Variants in IL1RL1 observed in about 807,000 individuals in gnomAD.
The protein encoded by IL1RL1 is interleukin 1 receptor like 1, also known as interleukin-1 receptor-like 1.
A neutral mutation model predicts 50.9 loss-of-function variants in IL1RL1; 32 were observed. That is an observed-to-expected ratio of 0.63 (90% confidence interval 0.47 to 0.84). The LOEUF (loss-of-function observed/expected upper bound fraction) is 0.84. Among genes scored for constraint, IL1RL1 ranks in the 40% least tolerant of loss-of-function variants. IL1RL1 has a pLI of 0.00. For synonymous variants in IL1RL1, 275 were observed against 236.0 expected, an observed-to-expected ratio of 1.17 and a Z score of -1.51; for missense variants, 773 against 662.9, an observed-to-expected ratio of 1.17 and a Z score of -1.82.
At chr2:102,326,115 A>G (rs1573136577) in intron 1 of IL1RL1, among the ~76,000 whole-genome samples, 2 of 152,244 alleles carry the variant, frequency 1.3e-5, no homozygotes, top group South Asian at 2.1e-4. Context: ...AGGTCGGGTT[A>G]CCCACAAGGG....
chr2:102,344,995 A>C (rs1677727549), intron 8 of IL1RL1: 1 of 953,360 alleles, frequency 1.0e-6, no homozygotes, highest in Non-Finnish European at 1.2e-6. Flanking sequence ...TAATCTTTTA[A>C]AAATGTAACA....
At position 102,338,736 on chromosome 2, in the gene IL1RL1, C is replaced by T. The variant is rs1431520503; in HGVS notation, c.62-101C>T. 29 of 853,996 alleles carry T rather than the reference C, an allele frequency of 3.4e-5. No homozygotes were observed. The East Asian group carries it at 3.8e-4, about 11-fold the overall frequency. The allele number at this position is 853,996 out of a possible 1,614,324, so 52.9% of individuals were successfully genotyped here. ...TTCCCAAGGTATCACAGTATATGAC[C>T]GGCTTCTAAATTTAATCCTAGAAGA... On this transcript the variant is annotated intron_variant, in intron 2 of 10. Coordinates refer to ENST00000233954, the MANE Select transcript of IL1RL1 (RefSeq NM_016232.5).
chr2:102,338,947 C>A lies in IL1RL1; in HGVS notation c.172C>A (p.Pro58Thr), dbSNP rs761694081. 1 of 1,613,788 alleles carries A rather than the reference C, an allele frequency of 6.2e-7. No homozygotes were observed. Among genetic ancestry groups the A allele is most frequent in the Non-Finnish European group, 8.5e-7 (1 of 1,179,762 alleles). ...WYYSQTNKSIPTQERNRVFAS... is the reference protein window; with the variant it reads ...WYYSQTNKSITTQERNRVFAS... Reference sequence around the variant, plus strand: ...TTACTCACAAACAAACAAAAGTATTCCCACTCAGGAAAGAAATCGTGTGTT... The same window carrying A: ...TTACTCACAAACAAACAAAAGTATTACCACTCAGGAAAGAAATCGTGTGTT... The change falls in exon 3 of 11, where the codon CCC becomes ACC. Residue 58 changes from proline (P) to threonine (T), a missense_variant. Pro to Thr is a conservative substitution (Grantham distance 38, BLOSUM62 -1). Transcript: ENST00000233954.
At position 102,338,343 on chromosome 2, in the gene IL1RL1, A is replaced by T; in HGVS notation, c.61+18A>T. 2 of 1,408,184 alleles carry T rather than the reference A, an allele frequency of 1.4e-6. No homozygotes were observed. Among genetic ancestry groups the T allele is most frequent in the Non-Finnish European group, 2.0e-6 (2 of 1,015,876 alleles). 87.2% of individuals were successfully genotyped at this position (1,408,184 alleles called of 1,614,324 possible). On this transcript the variant is annotated intron_variant, in intron 2 of 10. Transcript: ENST00000233954. ...AAAGTTTAGTAAGTATTGCCTTCTA[A>T]GTATAATTTAAATTTTTATAAATTA...
Position 102,351,839 on chromosome 2 carries a change from A to G in IL1RL1, c.1589A>G (p.His530Arg), listed in dbSNP as rs779804857. 1.9e-6 allele frequency: 3 copies of G among 1,614,004 alleles called. No individual in the cohort carries two copies. The highest frequency in any genetic ancestry group is 2.5e-6 in the Non-Finnish European group (3 of 1,179,914). ...TCCCTGAATTCTAAATTCTGGAAGC[A>G]CGTGAGGTACCAAATGCCTGTGCCA... is the stretch of plus-strand genomic sequence containing the variant. ...KRSLNSKFWK[H>R]VRYQMPVPSK... Residue 530 changes from histidine to arginine, a missense_variant, in exon 11 of 11, where the codon CAC becomes CGC. Transcript: ENST00000233954.
chr2:102,340,157 G>A lies in IL1RL1; in HGVS notation c.332G>A (p.Cys111Tyr), dbSNP rs954676437. ...NVTIYKKQSDCNVPDYLMYST... is the reference protein window; with the variant it reads ...NVTIYKKQSDYNVPDYLMYST... The stretch of plus-strand genomic sequence containing the variant: ...ACCATATATAAAAAACAATCAGATT[G>A]CAATGTTCCAGATTATTTGATGTAT... Residue 111 changes from cysteine to tyrosine, a missense_variant, in exon 4 of 11, where the codon TGC becomes TAC. Transcript: ENST00000233954. 6.3e-7 allele frequency: 1 copy of A among 1,592,928 alleles called. No individual in the cohort carries two copies. Among genetic ancestry groups the A allele is most frequent in the Non-Finnish European group, 8.6e-7 (1 of 1,169,568 alleles).
At position 102,343,405 on chromosome 2, in the gene IL1RL1, G is replaced by A. The variant is rs202062299; in HGVS notation, c.960G>A (p.Arg320=). Residue 320 remains arginine (R), a synonymous_variant, in exon 8 of 11, where the codon AGG becomes AGA. Transcript: ENST00000233954. ...GAAGGCACACCGTAAGACTAAGTAG[G>A]AAAAATCCAAGTAAGGAGTGTTTCT... is the stretch of plus-strand genomic sequence containing the variant. ...GLRRHTVRLS[R]KNPIDHHSIY... The A allele has an allele frequency of 1.9e-6, 3 of 1,614,200 alleles. No individual in the cohort carries two copies. The highest frequency in any genetic ancestry group is 2.5e-6 in the Non-Finnish European group (3 of 1,180,028).
chr2:102,316,028 C>T (rs934606963), intron 1 of IL1RL1, among the ~76,000 whole-genome samples: 15 of 152,180 alleles, frequency 9.9e-5, no homozygotes, highest in African/African-American at 3.6e-4. Context: ...CTCAGTCTGC[C>T]AGTGATGGTT....
chr2:102,340,301 G>T, intron 4 of IL1RL1, 29 bp downstream of exon 4: 4 of 1,550,968 alleles, frequency 2.6e-6, no homozygotes, highest in South Asian at 1.2e-5. Flanking sequence ...GGAAATAGAT[G>T]AAAATTACAC....
intron 8 of IL1RL1, among the ~76,000 whole-genome samples, chr2:102,347,369 C>T (rs1018886438): frequency 1.3e-5 from 2 of 152,182 alleles, no homozygotes; most frequent in Admixed American, 6.5e-5. Context: ...CTCCAGTGCT[C>T]CTGTGACCTT....
intron 1 of IL1RL1, among the ~76,000 whole-genome samples, chr2:102,332,184 A>C (rs1416915013): frequency 6.6e-6 from 1 of 152,208 alleles, no homozygotes; most frequent in African/African-American, 2.4e-5. Context: ...TGCCTTCTGG[A>C]GGTCATATTC....
intron 1 of IL1RL1, among the ~76,000 whole-genome samples, chr2:102,336,487 A>G (rs1268843256): frequency 6.6e-6 from 1 of 152,178 alleles, no homozygotes; most frequent in Admixed American, 6.5e-5. Flanking sequence ...AGATGTGATG[A>G]CTTATAAACG....
At chr2:102,316,521 T>A (rs1206152781) in intron 1 of IL1RL1, among the ~76,000 whole-genome samples, 1 of 152,152 alleles carries the variant, frequency 6.6e-6, no homozygotes, top group East Asian at 1.9e-4. Flanking sequence ...ACAAGGTAGA[T>A]AAAGAAAGGA....
intron 1 of IL1RL1, among the ~76,000 whole-genome samples, chr2:102,328,178 C>G (rs1344860716): frequency 6.6e-6 from 1 of 152,208 alleles, no homozygotes; most frequent in Non-Finnish European, 1.5e-5. Flanking sequence ...GGCTTCATCT[C>G]TGGGATGCAA....
Position 102,339,055 on chromosome 2 carries a change from G to A in IL1RL1, c.272+8G>A. ...TACCTGTATTGTCAGAAGGTATTAT[G>A]CAGAAGGCTCCCATCTTCTTTCACC... On this transcript the variant is annotated splice_region_variant and intron_variant, in intron 3 of 10. Transcript: ENST00000233954. 6.3e-7 allele frequency: 1 copy of A among 1,592,798 alleles called. No individual in the cohort carries two copies. Among genetic ancestry groups the A allele is most frequent in the Admixed American group, 1.7e-5 (1 of 59,926 alleles).
intron 1 of IL1RL1, among the ~76,000 whole-genome samples, chr2:102,314,734 G>A (rs1384930889): frequency 6.6e-6 from 1 of 152,186 alleles, no homozygotes; most frequent in East Asian, 1.9e-4. Context: ...GATAAAGAAA[G>A]GCAGATTTAT....
chr2:102,316,187 A>G (rs1225589124), intron 1 of IL1RL1, among the ~76,000 whole-genome samples: 3 of 152,222 alleles, frequency 2.0e-5, no homozygotes, highest in Non-Finnish European at 2.9e-5. Flanking sequence ...TTAGTTAATC[A>G]TGTCTTGAGC....
intron 8 of IL1RL1, among the ~76,000 whole-genome samples, 162 bp from the exon 9 acceptor site, chr2:102,347,783 C>G (rs1040055512): frequency 6.6e-6 from 1 of 152,134 alleles, no homozygotes; most frequent in African/African-American, 2.4e-5. Context: ...TGTAGAGGCT[C>G]AATAAATGTG....
At chr2:102,343,739 A>G in intron 8 of IL1RL1, 5 of 1,244,690 alleles carry the variant, frequency 4.0e-6, no homozygotes, top group Non-Finnish European at 5.1e-6. Context: ...AAGGAAATGC[A>G]CCAACAACCG....
Sources: allele counts gnomAD v4.1 joint callset (sites outside exome capture counted in the v4.1 genomes callset), GRCh38; gene constraint gnomAD v4.1.1; transcripts MANE v1.5; gene names NCBI Gene and HGNC (gene_info 2026-07-23, HGNC 2026-07-21).